The following PCDH7 variants were observed in gnomAD, a reference collection of about 807,000 sequenced individuals.
PCDH7 encodes protocadherin-7.
In PCDH7, 17 loss-of-function variants were observed where a neutral mutation model predicts 58.9. The observed-to-expected ratio is 0.29, with a 90% CI of 0.20 to 0.43. The LOEUF (loss-of-function observed/expected upper bound fraction) is 0.43, where lower values mean the gene tolerates loss of function less well. Among genes scored for constraint, PCDH7 ranks in the 20% least tolerant of loss-of-function variants. The pLI is 1.00. For synonymous variants in PCDH7, 664 were observed against 616.4 expected (o/e 1.08, Z -1.14); for missense variants, 1,274 against 1,441.0 (o/e 0.88, Z 1.88).
chr4:31,015,616 G>T (rs1490528477), intron 3 of PCDH7, among the ~76,000 whole-genome samples: 1 of 152,080 alleles, frequency 6.6e-6, no homozygotes, highest in African/African-American at 2.4e-5. Context: ...CCCAGAATCT[G>T]TCTCTGAACT....
chr4:30,787,253 T>C (rs1042168065), intron 1 of PCDH7, among the ~76,000 whole-genome samples: 1 of 152,086 alleles, frequency 6.6e-6, no homozygotes, highest in African/African-American at 2.4e-5. Flanking sequence ...TTTGAACTAA[T>C]TGGATGCATT....
intron 1 of PCDH7, among the ~76,000 whole-genome samples, chr4:30,863,473 A>G (rs1734472906): frequency 6.6e-6 from 1 of 152,106 alleles, no homozygotes; most frequent in South Asian, 2.1e-4. Context: ...ATCGTCACGC[A>G]CAAATGTCAA....
At chr4:30,744,139 C>T (rs1717452755) in intron 1 of PCDH7, among the ~76,000 whole-genome samples, 1 of 152,152 alleles carries the variant, frequency 6.6e-6, no homozygotes. Flanking sequence ...TGTTTTCTCA[C>T]TGTCTCAGAG....
chr4:30,724,466 G>A (rs765251128), exon 1 of PCDH7: 17 of 1,613,736 alleles, frequency 1.1e-5, no homozygotes, highest in Non-Finnish European at 1.4e-5. Context: ...CCAACTGCAG[G>A]AAAAAAACAC....
chr4:30,753,238 A>G (rs1718811224), intron 1 of PCDH7, among the ~76,000 whole-genome samples: 1 of 152,160 alleles, frequency 6.6e-6, no homozygotes, highest in Admixed American at 6.5e-5. Flanking sequence ...TTTCTGGTAC[A>G]TATCTCATTT....
chr4:31,056,876 A>T (rs1246732242), intron 3 of PCDH7, among the ~76,000 whole-genome samples: 2 of 152,154 alleles, frequency 1.3e-5, no homozygotes, highest in African/African-American at 4.8e-5. Flanking sequence ...CACCACACCC[A>T]GCCAACATTT....
At chr4:30,833,663 T>G (rs1730095165) in intron 1 of PCDH7, among the ~76,000 whole-genome samples, 1 of 152,070 alleles carries the variant, frequency 6.6e-6, no homozygotes, top group Admixed American at 6.6e-5. Context: ...TGCACAAAGG[T>G]GCAGCTAAGG....
chr4:31,034,131 T>G (rs569007401), intron 3 of PCDH7, among the ~76,000 whole-genome samples: 54 of 151,698 alleles, frequency 3.6e-4, no homozygotes, highest in African/African-American at 1.3e-3. Flanking sequence ...CTATCCAGAT[T>G]TATCCCATCC....
At chr4:30,998,997 G>T (rs28413974) in intron 3 of PCDH7, among the ~76,000 whole-genome samples, 14,102 of 152,114 alleles carry the variant, frequency 0.093, 1,200 homozygotes, top group East Asian at 0.3. Context: ...TGTTATTAAT[G>T]TTTGTAGCTT....
intron 3 of PCDH7, among the ~76,000 whole-genome samples, chr4:31,127,256 C>T (rs997713411): frequency 3.9e-5 from 6 of 152,114 alleles, no homozygotes; most frequent in South Asian, 2.1e-4. Flanking sequence ...CTCTGACTCA[C>T]GCTTTTCTTA....
intron 3 of PCDH7, among the ~76,000 whole-genome samples, chr4:31,134,616 A>G (rs1371844911): frequency 6.6e-6 from 1 of 152,206 alleles, no homozygotes; most frequent in African/African-American, 2.4e-5. Flanking sequence ...TTTCCTCAAA[A>G]CAAACAAACA....
intron 2 of PCDH7, among the ~76,000 whole-genome samples, chr4:30,926,274 T>C (rs908885290): frequency 1.3e-5 from 2 of 150,434 alleles, no homozygotes; most frequent in Admixed American, 6.6e-5. Flanking sequence ...AAGTTCCGCC[T>C]CCTGCGTTCA....
chr4:30,756,894 A>G (rs1010257852), intron 1 of PCDH7, among the ~76,000 whole-genome samples: 1 of 151,858 alleles, frequency 6.6e-6, no homozygotes, highest in African/African-American at 2.4e-5. Flanking sequence ...TCCTTTTCCA[A>G]CTGTTTTTTG....
At chr4:30,864,221 A>C (rs1375146743) in intron 1 of PCDH7, among the ~76,000 whole-genome samples, 1 of 152,044 alleles carries the variant, frequency 6.6e-6, no homozygotes, top group African/African-American at 2.4e-5. Context: ...TAATTACACT[A>C]GAAAGAAAAA....
intron 1 of PCDH7, among the ~76,000 whole-genome samples, chr4:30,726,091 T>C (rs1219931285): frequency 6.6e-6 from 1 of 152,100 alleles, no homozygotes; most frequent in Non-Finnish European, 1.5e-5. Flanking sequence ...GGAGTGTTTA[T>C]ATCTGTTGTA....
intron 1 of PCDH7, chr4:30,725,038 G>A: frequency 9.9e-7 from 1 of 1,005,666 alleles, no homozygotes; most frequent in Non-Finnish European, 1.2e-6. Context: ...GGATTCCATA[G>A]AAGTTTTAGC....
At chr4:31,078,736 C>T (rs1463444460) in intron 3 of PCDH7, among the ~76,000 whole-genome samples, 1 of 135,358 alleles carries the variant, frequency 7.4e-6, no homozygotes, top group Non-Finnish European at 1.5e-5. Context: ...TGGAATATTA[C>T]AAGTCCAAAA....
chr4:30,954,900 G>A (rs1181980174), intron 3 of PCDH7, among the ~76,000 whole-genome samples: 3 of 152,046 alleles, frequency 2.0e-5, no homozygotes, highest in East Asian at 1.9e-4. Context: ...GCTAAATCAC[G>A]GATGTAATCT....
At position 31,063,680 on chromosome 4, in the gene PCDH7, T is replaced by G. The variant is rs1397797982; in HGVS notation, c.*8-78793T>G. ...TTAAATAATGGTCTTGTCTTCTTTATAATAAGGGAATGCATATTCAAATTA... is the reference window on the plus strand; with the variant it reads ...TTAAATAATGGTCTTGTCTTCTTTAGAATAAGGGAATGCATATTCAAATTA... On this transcript the variant is annotated intron_variant, in intron 3 of 3. Transcript: ENST00000509759. 2.6e-5 allele frequency among the ~76,000 whole-genome samples: 4 copies of G among 151,922 alleles called. No individual in the cohort carries two copies. The Admixed American group carries it at 2.6e-4, about 10-fold the overall frequency.
Sources: gnomAD v4.1 joint callset for allele counts (sites outside exome capture counted in the v4.1 genomes callset) on GRCh38, gnomAD v4.1.1 for gene constraint, MANE v1.5 for transcripts, NCBI Gene and HGNC (gene_info 2026-07-23, HGNC 2026-07-21) for gene names.